The following C19orf47 variants were observed in gnomAD, a reference collection of about 807,000 sequenced individuals.
C19orf47 encodes chromosome 19 open reading frame 47, also known as uncharacterized protein C19orf47.
In C19orf47, 18 loss-of-function variants were observed where a neutral mutation model predicts 32.3. The ratio of observed to expected loss-of-function variants is 0.56; its 90% CI spans 0.39 to 0.83. The LOEUF is 0.83. Ranked by LOEUF, C19orf47 falls within the 40% of genes least tolerant of loss-of-function variation. The probability of loss-of-function intolerance (pLI) is 0.00; values close to 1 mark genes in which losing one functional copy is unlikely to be tolerated. For missense variants in C19orf47, 484 were observed against 531.6 expected, an observed-to-expected ratio of 0.91 and a Z score of 0.88; for synonymous variants, 202 against 211.1, an observed-to-expected ratio of 0.96 and a Z score of 0.37.
chr19:40,326,254 G>C, intron 7 of C19orf47, 80 bp downstream of exon 7: 2 of 1,564,288 alleles, frequency 1.3e-6, no homozygotes, highest in Non-Finnish European at 8.7e-7. Context: ...GCCACCGTCT[G>C]TAGGATATGA....
intron 8 of C19orf47, among the ~76,000 whole-genome samples, chr19:40,322,854 G>A (rs2077749759): frequency 2.0e-5 from 3 of 152,202 alleles, no homozygotes; most frequent in Non-Finnish European, 4.4e-5. Flanking sequence ...GTCCAGTGGG[G>A]AAGACAGGCT....
chr19:40,307,509 T>C, the C19orf47 span, among the ~76,000 whole-genome samples: 1 of 152,090 alleles, frequency 6.6e-6, no homozygotes, highest in African/African-American at 2.4e-5. Context: ...AGGGATCCTC[T>C]TGCCTTAGCC....
the C19orf47 span, among the ~76,000 whole-genome samples, chr19:40,303,150 C>G: frequency 2.0e-5 from 3 of 151,672 alleles, no homozygotes; most frequent in Non-Finnish European, 4.4e-5. Context: ...ATCGCTTGAA[C>G]CTGGGAGGCG....
intron 2 of C19orf47, among the ~76,000 whole-genome samples, chr19:40,338,189 C>G (rs1011664379): frequency 6.7e-6 from 1 of 150,256 alleles, no homozygotes; most frequent in African/African-American, 2.5e-5. Flanking sequence ...ATCTTCCCAC[C>G]TCAGCTTCTC....
chr19:40,294,768 T>C, the C19orf47 span, among the ~76,000 whole-genome samples: 1,139 of 152,320 alleles, frequency 7.5e-3, 19 homozygotes, highest in African/African-American at 0.026. Flanking sequence ...GCCAGTCAAA[T>C]AGGCTGGAAG....
chr19:40,336,511 T>C, intron 2 of C19orf47, 104 bp from the exon 3 acceptor site: 3 of 994,030 alleles, frequency 3.0e-6, no homozygotes, highest in South Asian at 2.9e-5. Context: ...GCTCATCATA[T>C]GCCAGGCCCT....
chr19:40,334,582 T>C (rs1406336520), intron 4 of C19orf47, among the ~76,000 whole-genome samples: 1 of 151,996 alleles, frequency 6.6e-6, no homozygotes, highest in Non-Finnish European at 1.5e-5. Context: ...ACCCCATCTC[T>C]ACTAAAATTA....
At chr19:40,315,252 G>C (rs940061872), downstream of C19orf47, among the ~76,000 whole-genome samples, 1 of 152,076 alleles carries the variant, frequency 6.6e-6, no homozygotes, top group Non-Finnish European at 1.5e-5. Context: ...TGTGACAAAC[G>C]TACCACCCCA....
chr19:40,327,429 T>C (rs1221657315), intron 6 of C19orf47, among the ~76,000 whole-genome samples: 1 of 151,400 alleles, frequency 6.6e-6, no homozygotes, highest in Non-Finnish European at 1.5e-5. Flanking sequence ...GCTGGGATTA[T>C]AGGCGTGAGC....
chr19:40,337,701 C>T lies in C19orf47; in HGVS notation c.20-1294G>A, dbSNP rs569810456. Among the ~76,000 whole-genome samples the T allele has an allele frequency of 5.9e-5, 9 of 152,318 alleles. No individual in the cohort carries two copies. In the South Asian group the frequency reaches 8.3e-4, roughly 14 times the overall value. Reference sequence around the variant, plus strand: ...GGGAAACAGACACACAGGTGTTACACGAGTGGCAGTGCGGGGCTCAGGTGA... The same window carrying T: ...GGGAAACAGACACACAGGTGTTACATGAGTGGCAGTGCGGGGCTCAGGTGA... On this transcript the variant is annotated intron_variant, in intron 2 of 8. Transcript: ENST00000683109.
chr19:40,298,544 C>G, the C19orf47 span, among the ~76,000 whole-genome samples: 1 of 152,140 alleles, frequency 6.6e-6, no homozygotes, highest in Non-Finnish European at 1.5e-5. Flanking sequence ...TAAACATGTC[C>G]TGTTTCATAC....
At chr19:40,326,551 G>C in intron 6 of C19orf47, 65 bp from the exon 7 acceptor site, 1 of 1,556,364 alleles carries the variant, frequency 6.4e-7, no homozygotes, top group Admixed American at 1.8e-5. Context: ...GATGGAAGCT[G>C]GACACTAGGT....
At chr19:40,313,023 A>C in the C19orf47 span, among the ~76,000 whole-genome samples, 3 of 152,176 alleles carry the variant, frequency 2.0e-5, no homozygotes, top group Non-Finnish European at 4.4e-5. Context: ...TGTACGTGGA[A>C]GTTTCTCCAG....
intron 2 of C19orf47, among the ~76,000 whole-genome samples, chr19:40,338,841 G>A (rs1195854016): frequency 6.6e-6 from 1 of 152,170 alleles, no homozygotes; most frequent in Non-Finnish European, 1.5e-5. Context: ...TCAAGAGAGA[G>A]TGATAAAGAT....
At chr19:40,340,662 A>G (rs1316119067) in intron 2 of C19orf47, among the ~76,000 whole-genome samples, 1 of 144,584 alleles carries the variant, frequency 6.9e-6, no homozygotes, top group African/African-American at 2.6e-5. Context: ...GCCTGGCGAC[A>G]GAGCAAGACT....
intron 8 of C19orf47, among the ~76,000 whole-genome samples, chr19:40,322,633 GAA>G (rs1192750825): frequency 2.0e-5 from 3 of 152,248 alleles, no homozygotes; most frequent in Non-Finnish European, 4.4e-5. Context: ...GTAGGTCTAA[GAA>G]AGAGGGAAGA....
At chr19:40,343,400 AT>A (rs2078215035) in intron 1 of C19orf47, 1 of 151,538 alleles carries the variant, frequency 6.6e-6, no homozygotes, top group African/African-American at 2.4e-5. Context: ...TAGCTGTGTG[AT>A]CTCGGCAAGT....
downstream of C19orf47, among the ~76,000 whole-genome samples, chr19:40,316,454 GA>G (rs1230987306): frequency 6.6e-6 from 1 of 152,184 alleles, no homozygotes; most frequent in East Asian, 1.9e-4. Flanking sequence ...TATGGGATGA[GA>G]ATAGGAAGAC....
At chr19:40,341,035 T>C (rs1472095489) in intron 2 of C19orf47, among the ~76,000 whole-genome samples, 2 of 142,228 alleles carry the variant, frequency 1.4e-5, no homozygotes, top group African/African-American at 5.2e-5. Flanking sequence ...CTTAAAACTA[T>C]ACAAATATAT....
Sources: gnomAD v4.1 joint callset for allele counts (sites outside exome capture counted in the v4.1 genomes callset) on GRCh38, gnomAD v4.1.1 for gene constraint, MANE v1.5 for transcripts, NCBI Gene and HGNC (gene_info 2026-07-23, HGNC 2026-07-21) for gene names.